Variants in PDCD1 observed in about 807,000 individuals in gnomAD.
The protein encoded by PDCD1 is programmed cell death 1, also known as programmed cell death protein 1.
Under a neutral mutation model 23.6 loss-of-function variants are expected in PDCD1, and 10 were observed. The ratio of observed to expected loss-of-function variants is 0.42; its 90% CI spans 0.26 to 0.72. The LOEUF is 0.72. Ranked by LOEUF, PDCD1 falls within the 30% of genes least tolerant of loss-of-function variation. The probability of loss-of-function intolerance (pLI) is 0.24; values close to 1 mark genes in which losing one functional copy is unlikely to be tolerated. For synonymous variants in PDCD1, 168 were observed against 169.3 expected, an observed-to-expected ratio of 0.99 and a Z score of 0.06; for missense variants, 313 against 397.8, an observed-to-expected ratio of 0.79 and a Z score of 1.81.
chr2:241,852,404 A>G (rs1476630888), intron 2 of PDCD1, 51 bp from the exon 3 acceptor site: 3 of 1,312,382 alleles, frequency 2.3e-6, no homozygotes, highest in South Asian at 1.3e-5. Flanking sequence ...GTGGAGGGTC[A>G]GGGTCAGGGG....
At position 241,851,981 on chromosome 2, in the gene PDCD1, T is replaced by C. The variant is rs769127395; in HGVS notation, c.595A>G (p.Thr199Ala). ...TGGCCGGTGCGCCTGGCTCCTATTG[T>C]CCCTGCAGAGAAACACACTTGGGGT... Reference protein sequence around the residue: ...AVICSRAARGTIGARRTGQPL... With the variant: ...AVICSRAARGAIGARRTGQPL... Residue 199 changes from threonine (T) to alanine (A), a missense_variant and splice_region_variant, in exon 4 of 5, where the codon ACA becomes GCA. Transcript: ENST00000334409. 1 of 1,613,000 alleles carries C rather than the reference T, an allele frequency of 6.2e-7. No homozygotes were observed. The highest frequency in any genetic ancestry group is 1.1e-5 in the South Asian group (1 of 91,034).
At position 241,850,906 on chromosome 2, in the gene PDCD1, G is replaced by A; in HGVS notation, c.*152C>T. The A allele has an allele frequency of 2.2e-6, 2 of 898,364 alleles. No individual in the cohort carries two copies. The highest frequency in any genetic ancestry group is 3.3e-6 in the Non-Finnish European group (2 of 599,408). The allele number at this position is 898,364 out of a possible 1,614,324, so 55.6% of individuals were successfully genotyped here. A position where few individuals can be genotyped will look rare whatever the true frequency, so the allele number is the denominator to read the frequency against. The stretch of plus-strand genomic sequence containing the variant: ...GTCCTGTGGTGGGGCTGTGCCTGGT[G>A]CAGGTGCAGGCTGGAGCCCCGGTCG... On this transcript the variant is annotated 3_prime_UTR_variant, in exon 5 of 5. Coordinates refer to ENST00000334409, the MANE Select transcript of PDCD1 (RefSeq NM_005018.3).
rs758185602 is a variant in PDCD1, at chr2:241,851,349, A to T, written c.628-52T>A. ...AGCCCCACGGCCCACCGCAGGAAGG[A>T]GGCCCGCGGCTCCACAGCCTGGCTG... On this transcript the variant is annotated intron_variant, in intron 4 of 4. Coordinates refer to ENST00000334409, the MANE Select transcript of PDCD1 (RefSeq NM_005018.3). The T allele has an allele frequency of 1.9e-6, 3 of 1,547,476 alleles. No individual in the cohort carries two copies. In the South Asian group the frequency reaches 3.7e-5, roughly 19 times the overall value.
chr2:241,851,464 C>T (rs1387477188), intron 4 of PDCD1, among the ~76,000 whole-genome samples, 167 bp from the exon 5 acceptor site: 1 of 152,234 alleles, frequency 6.6e-6, no homozygotes, highest in Non-Finnish European at 1.5e-5. Context: ...GGGGACACCA[C>T]CCCTCCTCTC....
Position 241,850,725 on chromosome 2 carries a change from C to T in PDCD1, c.*333G>A. On this transcript the variant is annotated 3_prime_UTR_variant, in exon 5 of 5. Coordinates refer to ENST00000334409, the MANE Select transcript of PDCD1 (RefSeq NM_005018.3). Reference sequence around the variant, plus strand: ...GGCGCCTTCAGCCCCGGGCCGCAGGCAGCAGCAGCAGCAGCAGCAGCAGCA... The same window carrying T: ...GGCGCCTTCAGCCCCGGGCCGCAGGTAGCAGCAGCAGCAGCAGCAGCAGCA... 1 of 478,106 alleles carries T rather than the reference C, an allele frequency of 2.1e-6. No homozygotes were observed. The highest frequency in any genetic ancestry group is 2.0e-5 in the South Asian group (1 of 49,086). 29.6% of individuals were successfully genotyped at this position (478,106 alleles called of 1,614,324 possible). A position where few individuals can be genotyped will look rare whatever the true frequency, so the allele number is the denominator to read the frequency against.
chr2:241,855,039 G>A (rs1700991308), intron 1 of PDCD1, among the ~76,000 whole-genome samples: 1 of 152,216 alleles, frequency 6.6e-6, no homozygotes, highest in Admixed American at 6.5e-5. Context: ...GGCGCTGACA[G>A]GCTCAACCCT....
intron 3 of PDCD1, 106 bp downstream of exon 3, chr2:241,852,092 G>T: frequency 6.9e-7 from 1 of 1,442,108 alleles, no homozygotes; most frequent in Non-Finnish European, 9.4e-7. Context: ...CGGGGAGATG[G>T]GGGGAGGTGG....
intron 1 of PDCD1, among the ~76,000 whole-genome samples, chr2:241,853,959 C>T (rs1281650301): frequency 2.0e-5 from 3 of 152,236 alleles, no homozygotes; most frequent in Admixed American, 6.5e-5. Flanking sequence ...GCCACAGCTG[C>T]GGTCCCTCTG....
At position 241,850,751 on chromosome 2, in the gene PDCD1, G is replaced by T; in HGVS notation, c.*307C>A. ...AGCAGCAGCAGCAGCAGCAGCAGCAGCAGAGATTCAGGGAGCTGGACGCAG... is the reference window on the plus strand; with the variant it reads ...AGCAGCAGCAGCAGCAGCAGCAGCATCAGAGATTCAGGGAGCTGGACGCAG... On this transcript the variant is annotated 3_prime_UTR_variant, in exon 5 of 5. Coordinates refer to ENST00000334409, the MANE Select transcript of PDCD1 (RefSeq NM_005018.3). 1 of 627,622 alleles carries T rather than the reference G, an allele frequency of 1.6e-6. No individual in the cohort carries two copies. Among genetic ancestry groups the T allele is most frequent in the Non-Finnish European group, 3.0e-6 (1 of 337,868 alleles). 38.9% of individuals were successfully genotyped at this position (627,622 alleles called of 1,614,324 possible).
chr2:241,854,544 A>G (rs1380541212), intron 1 of PDCD1, among the ~76,000 whole-genome samples: 1 of 152,190 alleles, frequency 6.6e-6, no homozygotes, highest in African/African-American at 2.4e-5. Context: ...ACCTGCCTGA[A>G]TGGAGGAAGA....
At chr2:241,852,082 C>A in intron 3 of PDCD1, 99 bp from the exon 4 acceptor site, 1 of 254,910 alleles carries the variant, frequency 3.9e-6, no homozygotes, top group South Asian at 7.1e-5. Flanking sequence ...CTTAGCCTGG[C>A]GGGGAGATGG....
At chr2:241,852,406 G>T in intron 2 of PDCD1, 53 bp from the exon 3 acceptor site, 1 of 1,303,402 alleles carries the variant, frequency 7.7e-7, no homozygotes, top group Non-Finnish European at 1.1e-6. Context: ...GGAGGGTCAG[G>T]GTCAGGGGTG....
At chr2:241,855,845 C>T (rs73109784) in intron 1 of PDCD1, among the ~76,000 whole-genome samples, 35 of 152,294 alleles carry the variant, frequency 2.3e-4, no homozygotes, top group Non-Finnish European at 4.7e-4. Flanking sequence ...TCTTCCAACT[C>T]CTCACAGTCG....
At chr2:241,853,722 C>T (rs1015023556) in intron 1 of PDCD1, among the ~76,000 whole-genome samples, 3 of 152,258 alleles carry the variant, frequency 2.0e-5, no homozygotes, top group South Asian at 2.1e-4. Flanking sequence ...ACGTGGGGGT[C>T]GCGGCTCTTC....
At chr2:241,857,148 C>T (rs1245457015) in intron 1 of PDCD1, among the ~76,000 whole-genome samples, 1 of 152,144 alleles carries the variant, frequency 6.6e-6, no homozygotes, top group Non-Finnish European at 1.5e-5. Flanking sequence ...CCGGGAATGA[C>T]CGAATGGCGA....
chr2:241,854,268 C>T (rs549635756), intron 1 of PDCD1, among the ~76,000 whole-genome samples: 112 of 152,362 alleles, frequency 7.4e-4, no homozygotes, highest in African/African-American at 2.3e-3. Context: ...TCGCCTCCTT[C>T]ACCTGCGTGC....
intron 1 of PDCD1, among the ~76,000 whole-genome samples, chr2:241,856,309 G>A (rs1575402353): frequency 6.6e-6 from 1 of 152,232 alleles, no homozygotes; most frequent in Admixed American, 6.5e-5. Flanking sequence ...CATCCTGCAC[G>A]TCCAGCCCTC....
chr2:241,851,440 C>A, intron 4 of PDCD1, 143 bp from the exon 5 acceptor site: 1 of 742,814 alleles, frequency 1.3e-6, no homozygotes, highest in Middle Eastern at 3.5e-4. Context: ...CCACCACTGC[C>A]CTCTGTGTGA....
intron 1 of PDCD1, among the ~76,000 whole-genome samples, chr2:241,854,509 G>C (rs1175868956): frequency 2.0e-5 from 3 of 152,086 alleles, no homozygotes; most frequent in Admixed American, 2.0e-4. Flanking sequence ...AGGGCCAGCA[G>C]GCAGCCAGGC....
Sources: gnomAD v4.1 joint callset for allele counts (sites outside exome capture counted in the v4.1 genomes callset) on GRCh38, gnomAD v4.1.1 for gene constraint, MANE v1.5 for transcripts, NCBI Gene and HGNC (gene_info 2026-07-23, HGNC 2026-07-21) for gene names.